The following TET3 variants were observed in gnomAD, a reference collection of about 807,000 sequenced individuals.
TET3 encodes the protein methylcytosine dioxygenase TET3.
TET3 carries 19 observed loss-of-function variants against 141.4 expected under a neutral mutation model. The ratio of observed to expected loss-of-function variants is 0.13; its 90% CI spans 0.09 to 0.20. TET3 has a LOEUF of 0.20. TET3 is among the 10% of genes least tolerant of loss of function. The probability of loss-of-function intolerance (pLI) is 1.00; values close to 1 mark genes in which losing one functional copy is unlikely to be tolerated. For missense variants in TET3, 1,874 were observed against 2,356.9 expected (o/e 0.80, Z 4.24); for synonymous variants, 1,043 against 980.9 (o/e 1.06, Z -1.18).
rs976824269 is a variant in TET3, at chr2:74,072,783, A to G, written c.2495-766A>G. Among the ~76,000 whole-genome samples, 6 of 152,282 alleles carry G rather than the reference A, an allele frequency of 3.9e-5. No homozygotes were observed. The South Asian group carries it at 8.3e-4, about 21-fold the overall frequency. The stretch of plus-strand genomic sequence containing the variant: ...TCCTCCCAGCCCCTGCGAACCTCTC[A>G]TCTACTTTCTGTCTCTAGGAATCTG... On this transcript the variant is annotated intron_variant, in intron 4 of 11. Coordinates refer to ENST00000409262, the MANE Select transcript of TET3 (RefSeq NM_001287491.2).
the TET3 span, among the ~76,000 whole-genome samples, chr2:74,113,352 C>T: frequency 6.6e-6 from 1 of 152,140 alleles, no homozygotes; most frequent in Non-Finnish European, 1.5e-5. Flanking sequence ...CGCCACTGTA[C>T]TCCAGCCTGG....
At chr2:74,017,248 C>T (rs1019659328) in intron 3 of TET3, among the ~76,000 whole-genome samples, 5 of 152,100 alleles carry the variant, frequency 3.3e-5, no homozygotes, top group South Asian at 2.1e-4. Context: ...ATTTTCACAC[C>T]GCTGCACTCC....
chr2:74,061,338 C>T (rs1688535581), intron 4 of TET3, among the ~76,000 whole-genome samples: 1 of 137,726 alleles, frequency 7.3e-6, no homozygotes, highest in Non-Finnish European at 1.6e-5. Context: ...CGCCCCTCAC[C>T]TCCCGGACGG....
intron 4 of TET3, among the ~76,000 whole-genome samples, chr2:74,056,242 A>C (rs759127291): frequency 6.6e-6 from 1 of 152,030 alleles, no homozygotes; most frequent in Non-Finnish European, 1.5e-5. Context: ...GTGTGTAGAG[A>C]GTGTGGAAAG....
chr2:74,032,942 C>G (rs1158204082), intron 3 of TET3, among the ~76,000 whole-genome samples: 1 of 152,090 alleles, frequency 6.6e-6, no homozygotes, highest in Non-Finnish European at 1.5e-5. Context: ...CACCCCATCT[C>G]AACTAGGCTT....
intron 3 of TET3, among the ~76,000 whole-genome samples, chr2:74,035,504 G>A (rs1687002192): frequency 6.6e-6 from 1 of 150,890 alleles, no homozygotes; most frequent in African/African-American, 2.4e-5. Context: ...GCCGGGCATG[G>A]TGGTTTGAGG....
the TET3 span, among the ~76,000 whole-genome samples, chr2:74,132,235 GT>G: frequency 1.3e-5 from 2 of 152,102 alleles, no homozygotes; most frequent in African/African-American, 4.8e-5. Flanking sequence ...ACCCCACCTG[GT>G]TAGTCCAGGT....
chr2:74,099,863 T>C lies in TET3; in HGVS notation c.3604+251T>C, dbSNP rs532489827. On this transcript the variant is annotated intron_variant, in intron 11 of 11. Transcript: ENST00000409262. ...CACTGGGTTTCTCCTCTAGTTTGCA[T>C]CCCTCAGAGAATCAGAGGCTCCCCT... 3.9e-5 allele frequency among the ~76,000 whole-genome samples: 6 copies of C among 152,256 alleles called. No individual in the cohort carries two copies. The South Asian group carries it at 1.0e-3, about 26-fold the overall frequency.
the TET3 span, among the ~76,000 whole-genome samples, chr2:74,124,216 G>T: frequency 1.6e-4 from 22 of 139,812 alleles, no homozygotes; most frequent in Non-Finnish European, 2.5e-4. Context: ...GGAGGGAGGT[G>T]GGGGGGTCAG....
At chr2:74,065,436 C>A (rs1488803816) in intron 4 of TET3, among the ~76,000 whole-genome samples, 4 of 152,178 alleles carry the variant, frequency 2.6e-5, no homozygotes, top group Non-Finnish European at 5.9e-5. Flanking sequence ...CACCCCAGAT[C>A]ATTCTTTGAT....
intron 4 of TET3, among the ~76,000 whole-genome samples, chr2:74,059,846 A>T (rs1558756769): frequency 6.6e-6 from 1 of 152,112 alleles, no homozygotes. Context: ...ATGTATGTAC[A>T]TTTGTTATCT....
At position 74,047,751 on chromosome 2, in the gene TET3, T is replaced by A; in HGVS notation, c.1834T>A (p.Ser612Thr). ...SVRKPIQIKK[S>T]RPREAQPLFP... ...CCGAAAGCCCATTCAGATCAAGAAGTCCAGGCCCCGGGAAGCACAGCCCCT... is the reference window on the plus strand; with the variant it reads ...CCGAAAGCCCATTCAGATCAAGAAGACCAGGCCCCGGGAAGCACAGCCCCT... The change falls in exon 4 of 12, where the codon TCC (serine) becomes ACC (threonine). Residue 612 changes from serine to threonine, a missense_variant. Ser to Thr is a moderately conservative substitution (Grantham distance 58). Coordinates refer to ENST00000409262, the MANE Select transcript of TET3 (RefSeq NM_001287491.2). The A allele has an allele frequency of 6.2e-7, 1 of 1,613,614 alleles. No individual in the cohort carries two copies. The highest frequency in any genetic ancestry group is 8.5e-7 in the Non-Finnish European group (1 of 1,179,790).
chr2:74,025,918 A>G (rs1686324640), intron 3 of TET3, among the ~76,000 whole-genome samples: 2 of 152,188 alleles, frequency 1.3e-5, no homozygotes, highest in Admixed American at 6.5e-5. Flanking sequence ...AGCTTGGGCG[A>G]CAGAGTGAGA....
At position 74,064,515 on chromosome 2, in the gene TET3, T is replaced by C. The variant is rs535232916; in HGVS notation, c.2495-9034T>C. 5.3e-5 allele frequency among the ~76,000 whole-genome samples: 8 copies of C among 152,296 alleles called. No homozygotes were observed. The East Asian group carries it at 1.5e-3, about 29-fold the overall frequency. On this transcript the variant is annotated intron_variant, in intron 4 of 11. Coordinates refer to ENST00000409262, the MANE Select transcript of TET3 (RefSeq NM_001287491.2). ...CCCAGGCTCAAGTGATCCTCCCACC[T>C]CAGCCGTTTGAGTAGCTGGGACTAC...
chr2:74,075,914 C>T (rs953402400), intron 5 of TET3, among the ~76,000 whole-genome samples: 5 of 152,134 alleles, frequency 3.3e-5, no homozygotes, highest in African/African-American at 1.2e-4. Flanking sequence ...TTGTAGTTTG[C>T]AGATTAGACC....
At chr2:74,002,905 C>T in intron 2 of TET3, 1 of 596,108 alleles carries the variant, frequency 1.7e-6, no homozygotes, top group African/African-American at 1.9e-5. Flanking sequence ...AACAAAAACA[C>T]ACTGGAAGGC....
chr2:74,052,390 T>C (rs73951130), intron 4 of TET3, among the ~76,000 whole-genome samples: 7,976 of 152,192 alleles, frequency 0.052, 707 homozygotes, highest in African/African-American at 0.18. Flanking sequence ...AATCCCATAC[T>C]CCAGAAATTC....
rs1360939319 is a variant in TET3 at position 74,048,410 on chromosome 2, C to T, written c.2493C>T (p.Val831=). 4 of 1,603,320 alleles carry T rather than the reference C, an allele frequency of 2.5e-6. No homozygotes were observed. Among genetic ancestry groups the T allele is most frequent in the East Asian group, 2.2e-5 (1 of 44,748 alleles). Residue 831 remains valine (V), a splice_region_variant and synonymous_variant, in exon 4 of 12, where the codon GTC becomes GTT. Coordinates refer to ENST00000409262, the MANE Select transcript of TET3 (RefSeq NM_001287491.2). ...AQAEFPTCDC[V]EQIVEKDEGP... is the part of the protein sequence containing the mutation. ...CCGAGTTCCCCACCTGCGATTGCGT[C>T]GGTAAGTCCGCCTGGGTATCAGGGA...
intron 3 of TET3, among the ~76,000 whole-genome samples, chr2:74,024,867 T>C (rs193230719): frequency 1.1e-4 from 16 of 152,270 alleles, no homozygotes; most frequent in African/African-American, 3.6e-4. Context: ...ATGTTAATAT[T>C]TTACTACATT....
Sources: allele counts gnomAD v4.1 joint callset (sites outside exome capture counted in the v4.1 genomes callset), GRCh38; gene constraint gnomAD v4.1.1; transcripts MANE v1.5; gene names NCBI Gene and HGNC (gene_info 2026-07-23, HGNC 2026-07-21).